SND1: variants seen among roughly 807,000 people sequenced by gnomAD.
SND1 encodes staphylococcal nuclease and tudor domain containing 1.
Under a neutral mutation model 121.7 loss-of-function variants are expected in SND1, and 38 were observed. That is an observed-to-expected ratio of 0.31 (90% CI 0.24 to 0.41). The LOEUF (loss-of-function observed/expected upper bound fraction) is 0.41, where lower values mean the gene tolerates loss of function less well. SND1 is among the 10% of genes least tolerant of loss of function. SND1 has a pLI of 1.00. For synonymous variants in SND1, 401 were observed against 447.4 expected (o/e 0.90, Z 1.31); for missense variants, 868 against 1,184.6 (o/e 0.73, Z 3.92).
intron 16 of SND1, among the ~76,000 whole-genome samples, chr7:128,023,133 T>C (rs1442676923): frequency 3.9e-5 from 6 of 152,310 alleles, no homozygotes; most frequent in South Asian, 4.2e-4. Context: ...CTTGACTGCA[T>C]TGCAGCCCCT....
intron 13 of SND1, among the ~76,000 whole-genome samples, chr7:127,893,480 G>A (rs1392692224): frequency 1.3e-5 from 2 of 152,110 alleles, no homozygotes; most frequent in African/African-American, 2.4e-5. Context: ...AGAAGTTGGG[G>A]CTTTATTCCT....
At chr7:128,070,615 A>G (rs1793394535) in intron 16 of SND1, among the ~76,000 whole-genome samples, 1 of 152,182 alleles carries the variant, frequency 6.6e-6, no homozygotes, top group South Asian at 2.1e-4. Flanking sequence ...GATCTCATTT[A>G]ATGCTTGCAG....
chr7:127,755,186 A>G (rs1171624422), intron 10 of SND1, among the ~76,000 whole-genome samples: 2 of 148,732 alleles, frequency 1.3e-5, no homozygotes, highest in Non-Finnish European at 1.5e-5. Flanking sequence ...GATTCATGCT[A>G]ACTCTTCACC....
intron 10 of SND1, among the ~76,000 whole-genome samples, chr7:127,745,894 C>T (rs1177218160): frequency 1.3e-5 from 2 of 152,170 alleles, no homozygotes; most frequent in Admixed American, 6.5e-5. Flanking sequence ...TGAGGTGTAG[C>T]GATCATGCCA....
intron 11 of SND1, among the ~76,000 whole-genome samples, chr7:127,827,756 G>A (rs970944234): frequency 4.0e-5 from 6 of 151,656 alleles, no homozygotes; most frequent in Admixed American, 6.6e-5. Flanking sequence ...TTTATTATGC[G>A]GGTTTTATTA....
intron 15 of SND1, among the ~76,000 whole-genome samples, chr7:127,978,844 G>C (rs1163871871): frequency 6.6e-6 from 1 of 151,934 alleles, no homozygotes; most frequent in Non-Finnish European, 1.5e-5. Context: ...ACACCACCAC[G>C]CCTGGCCAAT....
chr7:127,982,282 G>C (rs1802283347), intron 15 of SND1, among the ~76,000 whole-genome samples: 1 of 152,120 alleles, frequency 6.6e-6, no homozygotes, highest in Non-Finnish European at 1.5e-5. Context: ...TTCAGTGCCT[G>C]GTCTTTCAAC....
chr7:127,996,341 A>G (rs534310978), intron 16 of SND1, among the ~76,000 whole-genome samples: 13 of 152,330 alleles, frequency 8.5e-5, no homozygotes, highest in African/African-American at 2.6e-4. Flanking sequence ...AGTGTGCTGT[A>G]TCGTGTCTGA....
At chr7:127,942,531 A>G (rs571170106) in intron 15 of SND1, among the ~76,000 whole-genome samples, 1 of 152,354 alleles carries the variant, frequency 6.6e-6, no homozygotes, top group Admixed American at 6.5e-5. Flanking sequence ...TTCTAGCAGC[A>G]GGATGAGGGC....
At chr7:127,852,581 G>A (rs1267814706) in intron 12 of SND1, among the ~76,000 whole-genome samples, 2 of 151,830 alleles carry the variant, frequency 1.3e-5, no homozygotes, top group African/African-American at 2.4e-5. Flanking sequence ...AGGCTGAGGC[G>A]GGCATATCAC....
At chr7:127,884,750 C>T (rs933507625) in intron 12 of SND1, among the ~76,000 whole-genome samples, 1 of 152,070 alleles carries the variant, frequency 6.6e-6, no homozygotes, top group Non-Finnish European at 1.5e-5. Context: ...CACATCTAAT[C>T]CTTCTTGGCA....
intron 15 of SND1, among the ~76,000 whole-genome samples, chr7:127,952,799 T>C (rs1801491639): frequency 6.6e-6 from 1 of 152,200 alleles, no homozygotes; most frequent in African/African-American, 2.4e-5. Context: ...TAAAACATCT[T>C]TTATCAATAG....
chr7:128,018,851 C>T (rs1436039565), intron 16 of SND1, among the ~76,000 whole-genome samples: 1 of 152,154 alleles, frequency 6.6e-6, no homozygotes, highest in Non-Finnish European at 1.5e-5. Context: ...AATAAGAGAA[C>T]CCTCTACCCT....
In SND1 at chr7:127,712,933, A is replaced by T. The variant is rs573961667; in HGVS notation, c.1038+5286A>T. ...GTTGAGAATTTTTTTCGTTATTTAG[A>T]AAGTGGAATAAATCTCCAAGTAATT... On this transcript the variant is annotated intron_variant, in intron 9 of 23. Transcript: ENST00000354725. Among the ~76,000 whole-genome samples the T allele has an allele frequency of 1.0e-3, 157 of 152,360 alleles. 1 individual carries two copies. The highest frequency in any genetic ancestry group is 3.5e-3 in the African/African-American group (145 of 41,586).
At chr7:128,072,251 C>T (rs1344241184) in intron 16 of SND1, among the ~76,000 whole-genome samples, 1 of 152,174 alleles carries the variant, frequency 6.6e-6, no homozygotes, top group African/African-American at 2.4e-5. Flanking sequence ...CCCCAGCAAC[C>T]CAGTGCTAAG....
intron 13 of SND1, among the ~76,000 whole-genome samples, chr7:127,903,758 A>C (rs569913284): frequency 1.3e-5 from 2 of 152,158 alleles, no homozygotes; most frequent in African/African-American, 4.8e-5. Flanking sequence ...TGAGTTCCTG[A>C]AAGGGAAGAG....
chr7:127,966,439 C>T (rs1301552275), intron 15 of SND1, among the ~76,000 whole-genome samples: 2 of 126,716 alleles, frequency 1.6e-5, no homozygotes, highest in Non-Finnish European at 3.3e-5. Context: ...CCAAAATTGA[C>T]CACATAGTTG....
chr7:127,899,949 G>C (rs1167039495), intron 13 of SND1, among the ~76,000 whole-genome samples: 5 of 152,190 alleles, frequency 3.3e-5, no homozygotes, highest in African/African-American at 9.6e-5. Flanking sequence ...GGAAGTTACA[G>C]ATGAGGAGAC....
At chr7:127,892,595 G>GGCCTTCTGGCCTTCCT (rs1800028966) in intron 13 of SND1, among the ~76,000 whole-genome samples, 1 of 152,014 alleles carries the variant, frequency 6.6e-6, no homozygotes, top group South Asian at 2.1e-4. Flanking sequence ...GCGGCCTTTC[G>GGCCTTCTGGCCTTCCT]GCCTTCTGGC....
Sources: gnomAD v4.1 joint callset for allele counts (sites outside exome capture counted in the v4.1 genomes callset) on GRCh38, gnomAD v4.1.1 for gene constraint, MANE v1.5 for transcripts, NCBI Gene and HGNC (gene_info 2026-07-23, HGNC 2026-07-21) for gene names.